NETO2: variants seen among roughly 807,000 people sequenced by gnomAD.
NETO2 encodes neuropilin and tolloid-like protein 2.
In NETO2, 28 loss-of-function variants were observed where a neutral mutation model predicts 62.5. That is an observed-to-expected ratio of 0.45 (90% CI 0.33 to 0.61). The LOEUF (loss-of-function observed/expected upper bound fraction) is 0.61, where lower values mean the gene tolerates loss of function less well. NETO2 is among the 20% of genes least tolerant of loss of function. The pLI, the probability that NETO2 is intolerant of heterozygous loss-of-function variation, is 0.02. For missense variants in NETO2, 548 were observed against 643.2 expected (o/e 0.85, Z 1.60); for synonymous variants, 214 against 219.1 (o/e 0.98, Z 0.21).
intron 1 of NETO2, among the ~76,000 whole-genome samples, chr16:47,132,233 T>C (rs1964280897): frequency 6.6e-6 from 1 of 152,134 alleles, no homozygotes; most frequent in Non-Finnish European, 1.5e-5. Flanking sequence ...CAAGTGGTTT[T>C]GTACTCATTT....
chr16:47,142,914 G>C (rs948485417), intron 1 of NETO2, among the ~76,000 whole-genome samples: 7 of 152,056 alleles, frequency 4.6e-5, no homozygotes, highest in African/African-American at 1.7e-4. Flanking sequence ...ACCTCTGGCG[G>C]AGCGCGAGGA....
intron 8 of NETO2, among the ~76,000 whole-genome samples, chr16:47,084,284 A>G (rs1461313662): frequency 6.6e-6 from 1 of 152,166 alleles, no homozygotes; most frequent in East Asian, 1.9e-4. Context: ...AAAACACTTC[A>G]TGTCGAGTAT....
At chr16:47,141,381 G>A (rs181280677) in intron 1 of NETO2, among the ~76,000 whole-genome samples, 3 of 151,984 alleles carry the variant, frequency 2.0e-5, no homozygotes, top group Non-Finnish European at 4.4e-5. Flanking sequence ...AGTTTGTAAT[G>A]GGAAAGGCCA....
At chr16:47,108,499 CAT>C (rs1430298090) in intron 7 of NETO2, among the ~76,000 whole-genome samples, 1 of 152,192 alleles carries the variant, frequency 6.6e-6, no homozygotes, top group East Asian at 1.9e-4. Context: ...AAGGGCACAA[CAT>C]AGTTTCTGTG....
intron 4 of NETO2, among the ~76,000 whole-genome samples, chr16:47,123,527 T>C (rs1305847658): frequency 6.6e-6 from 1 of 152,110 alleles, no homozygotes; most frequent in Non-Finnish European, 1.5e-5. Context: ...AGGGTAAATT[T>C]TGTTATGTAT....
intron 7 of NETO2, among the ~76,000 whole-genome samples, chr16:47,108,684 T>G (rs1314456837): frequency 6.6e-6 from 1 of 152,148 alleles, no homozygotes; most frequent in African/African-American, 2.4e-5. Flanking sequence ...ACTTGACAAC[T>G]AAAAGCAATG....
intron 4 of NETO2, among the ~76,000 whole-genome samples, chr16:47,126,880 G>A (rs1417896299): frequency 6.6e-6 from 1 of 152,128 alleles, no homozygotes; most frequent in Non-Finnish European, 1.5e-5. Context: ...TTTTTAAAAA[G>A]AGCAGATAAA....
intron 4 of NETO2, 112 bp downstream of exon 4, chr16:47,128,213 A>T: frequency 7.4e-7 from 1 of 1,356,306 alleles, no homozygotes; most frequent in Non-Finnish European, 1.0e-6. Context: ...TAATTTGTTT[A>T]AAATCTTGAT....
chr16:47,091,125 CTT>C (rs1963303423), intron 7 of NETO2, among the ~76,000 whole-genome samples: 1 of 152,196 alleles, frequency 6.6e-6, no homozygotes. Context: ...CAAGCTGGCT[CTT>C]GTTTTTAAAA....
chr16:47,116,040 C>T (rs747963419), intron 6 of NETO2, among the ~76,000 whole-genome samples: 1 of 151,790 alleles, frequency 6.6e-6, no homozygotes, highest in African/African-American at 2.4e-5. Context: ...CTGGCTACAA[C>T]TTCTAGTATA....
chr16:47,126,456 T>C (rs1288684455), intron 4 of NETO2, among the ~76,000 whole-genome samples: 2 of 152,194 alleles, frequency 1.3e-5, no homozygotes, highest in African/African-American at 2.4e-5. Context: ...AGATCAGCGA[T>C]TGCCAGTGGT....
Position 47,086,231 on chromosome 16 carries a change from C to A in NETO2, c.992G>T (p.Cys331Phe). 1 of 1,589,878 alleles carries A rather than the reference C, an allele frequency of 6.3e-7. No homozygotes were observed. Among genetic ancestry groups the A allele is most frequent in the Non-Finnish European group, 8.6e-7 (1 of 1,158,002 alleles). ...GGCCTTTACATCAAACTCACCTTTA[C>A]AATGATTTTCATCCCAAGGGTATGC... ...NCAYPWDENH[C>F]KEKKKAGVFE... The change falls in exon 8 of 9, where the codon TGT (cysteine) becomes TTT (phenylalanine). Residue 331 changes from cysteine (C) to phenylalanine (F), a missense_variant. Physicochemically the swap from Cys to Phe is radical, Grantham distance 205 (BLOSUM62 -2). Transcript: ENST00000562435.
At chr16:47,108,723 A>C (rs1596720546) in intron 7 of NETO2, among the ~76,000 whole-genome samples, 1 of 152,236 alleles carries the variant, frequency 6.6e-6, no homozygotes, top group Admixed American at 6.5e-5. Context: ...AAGGACCTTC[A>C]TAGCAAAACT....
intron 7 of NETO2, among the ~76,000 whole-genome samples, chr16:47,088,806 A>AT (rs959811212): frequency 6.6e-6 from 1 of 152,178 alleles, no homozygotes; most frequent in African/African-American, 2.4e-5. Context: ...TAAAACTGAC[A>AT]TGTTTTCATT....
rs1332333529 is a variant in NETO2 at position 47,088,112 on chromosome 16, C to CT, written c.884-1774dup. Among the ~76,000 whole-genome samples, 12 of 150,650 alleles carry CT rather than the reference C, an allele frequency of 8.0e-5. No homozygotes were observed. The East Asian group carries it at 1.4e-3, about 17-fold the overall frequency. ...CCAAAAACCTTAGCAATTTTTTTTT[C>CT]TTTTTTTTTGGAGATGGAGTCTCGC... On this transcript the variant is annotated intron_variant, in intron 7 of 8. Coordinates refer to ENST00000562435, the MANE Select transcript of NETO2 (RefSeq NM_018092.5).
At position 47,078,358 on chromosome 16, in the gene NETO2, T is replaced by C. The variant is rs1193474891; in HGVS notation, c.*4863A>G. 1 of 152,210 alleles carries C rather than the reference T, an allele frequency of 6.6e-6. No homozygotes were observed. Among genetic ancestry groups the C allele is most frequent in the African/African-American group, 2.4e-5 (1 of 41,448 alleles). 9.4% of individuals were successfully genotyped at this position (152,210 alleles called of 1,614,324 possible). ...TAGTTCAAGAGTCAAAATTCTTTTC[T>C]ATAAAATGCCAAATCTAGGATTAAG... On this transcript the variant is annotated 3_prime_UTR_variant, in exon 9 of 9. Transcript: ENST00000562435.
chr16:47,119,565 T>G (rs1451622499), intron 6 of NETO2, among the ~76,000 whole-genome samples: 1 of 152,256 alleles, frequency 6.6e-6, no homozygotes, highest in East Asian at 1.9e-4. Context: ...CTTCGTTTTT[T>G]TTTTTAATTT....
At chr16:47,133,436 T>C (rs1596748665) in intron 1 of NETO2, among the ~76,000 whole-genome samples, 1 of 150,782 alleles carries the variant, frequency 6.6e-6, no homozygotes, top group Admixed American at 6.6e-5. Flanking sequence ...CATGTGCCTA[T>C]AGTCCTAGCC....
rs1367955404 is a variant in NETO2 at position 47,081,356 on chromosome 16, T to C, written c.*1865A>G. On this transcript the variant is annotated 3_prime_UTR_variant, in exon 9 of 9. Transcript: ENST00000562435. ...AAACTTAGCTGTCTCTGGTATTAGT[T>C]CATTGAATATTATATGCATCAAGTC... The C allele has an allele frequency of 6.6e-6, 1 of 152,164 alleles. No homozygotes were observed. The highest frequency in any genetic ancestry group is 2.4e-5 in the African/African-American group (1 of 41,454). The allele number at this position is 152,164 out of a possible 1,614,324, so 9.4% of individuals were successfully genotyped here.
Sources: gnomAD v4.1 joint callset for allele counts (sites outside exome capture counted in the v4.1 genomes callset) on GRCh38, gnomAD v4.1.1 for gene constraint, MANE v1.5 for transcripts, NCBI Gene and HGNC (gene_info 2026-07-23, HGNC 2026-07-21) for gene names.